Variants in OGDH observed in about 807,000 individuals in gnomAD.
The protein encoded by OGDH is 2-oxoglutarate dehydrogenase complex component E1.
A neutral mutation model predicts 116.6 loss-of-function variants in OGDH; 38 were observed. The ratio of observed to expected loss-of-function variants is 0.33; its 90% CI spans 0.25 to 0.43. OGDH has a LOEUF of 0.43. Among genes scored for constraint, OGDH ranks in the 20% least tolerant of loss-of-function variants. The probability of loss-of-function intolerance (pLI) is 1.00; values close to 1 mark genes in which losing one functional copy is unlikely to be tolerated. For synonymous variants in OGDH, 488 were observed against 533.3 expected (o/e 0.92, Z 1.17); for missense variants, 825 against 1,357.2 (o/e 0.61, Z 6.16).
intron 4 of OGDH, among the ~76,000 whole-genome samples, chr7:44,660,730 G>A (rs1786899516): frequency 6.6e-6 from 1 of 152,092 alleles, no homozygotes; most frequent in Non-Finnish European, 1.5e-5. Context: ...GGAGTTTGTT[G>A]CCTGGCAACA....
In OGDH at chr7:44,609,554, G is replaced by A. The variant is rs112582848; in HGVS notation, c.-28+2901G>A. Among the ~76,000 whole-genome samples, 1,076 of 150,894 alleles carry A rather than the reference G, an allele frequency of 7.1e-3. 11 individuals carry two copies. The highest frequency in any genetic ancestry group is 0.024 in the African/African-American group (1,000 of 41,092). ...TACTTCATTCCTTTTTATTGAAGCCGGGCTATTGGGCTATGGATGTACCAC... is the reference window on the plus strand; with the variant it reads ...TACTTCATTCCTTTTTATTGAAGCCAGGCTATTGGGCTATGGATGTACCAC... On this transcript the variant is annotated intron_variant, in intron 1 of 22. Coordinates refer to ENST00000222673, the MANE Select transcript of OGDH (RefSeq NM_002541.4).
intron 5 of OGDH, among the ~76,000 whole-genome samples, chr7:44,673,502 G>GT (rs1562660067): frequency 6.6e-6 from 1 of 152,150 alleles, no homozygotes; most frequent in Non-Finnish European, 1.5e-5. Context: ...TGCCACAAAG[G>GT]TAACAGAGTA....
At position 44,696,980 on chromosome 7, in the gene OGDH, C is replaced by T. The variant is rs777352026; in HGVS notation, c.1967C>T (p.Ala656Val). The T allele has an allele frequency of 6.2e-6, 10 of 1,614,182 alleles. No homozygotes were observed. Among genetic ancestry groups the T allele is most frequent in the Non-Finnish European group, 6.8e-6 (8 of 1,180,026 alleles). The change falls in exon 15 of 23, where the codon GCG becomes GTG. Residue 656 changes from alanine to valine, a missense_variant. Transcript: ENST00000222673. ...AACCGGACTGTGGACTGGGCTCTAG[C>T]GGAGTACATGGCGTTTGGCTCGCTC... ...VKNRTVDWAL[A>V]EYMAFGSLLK...
intron 2 of OGDH, among the ~76,000 whole-genome samples, chr7:44,640,172 C>G (rs1277902600): frequency 1.3e-5 from 2 of 152,184 alleles, no homozygotes; most frequent in East Asian, 3.9e-4. Flanking sequence ...TTGTTGAGCC[C>G]AGAAGCGCCC....
rs901622120 is a variant in OGDH at position 44,674,761 on chromosome 7, C to T, written c.935+204C>T. On this transcript the variant is annotated intron_variant, in intron 7 of 22. Coordinates refer to ENST00000222673, the MANE Select transcript of OGDH (RefSeq NM_002541.4). ...TGGAGGACTGCAAAGTCATGGTCAC[C>T]TCCAAAGCCACATGTAGTTTCAGAC... is the stretch of plus-strand genomic sequence containing the variant. 3.5e-5 allele frequency: 21 copies of T among 602,222 alleles called. No individual in the cohort carries two copies. The African/African-American group carries it at 3.7e-4, about 11-fold the overall frequency. 37.3% of individuals were successfully genotyped at this position (602,222 alleles called of 1,614,324 possible).
intron 2 of OGDH, among the ~76,000 whole-genome samples, chr7:44,626,890 C>A (rs933420634): frequency 2.6e-5 from 4 of 152,206 alleles, no homozygotes; most frequent in Non-Finnish European, 5.9e-5. Flanking sequence ...TGTCATCCAG[C>A]ACGGACTTCA....
chr7:44,617,405 T>C (rs1447865146), intron 1 of OGDH, among the ~76,000 whole-genome samples: 1 of 152,096 alleles, frequency 6.6e-6, no homozygotes, highest in African/African-American at 2.4e-5. Flanking sequence ...CCAGGAAAGC[T>C]CACACAGTGA....
intron 5 of OGDH, among the ~76,000 whole-genome samples, chr7:44,671,868 G>A (rs1247090824): frequency 1.3e-5 from 2 of 151,346 alleles, no homozygotes; most frequent in Non-Finnish European, 1.5e-5. Context: ...AGGAGATCAA[G>A]ACCATCATGG....
At chr7:44,620,987 T>C (rs1465768811) in intron 1 of OGDH, among the ~76,000 whole-genome samples, 1 of 152,258 alleles carries the variant, frequency 6.6e-6, no homozygotes, top group Non-Finnish European at 1.5e-5. Context: ...GTTGACTTAG[T>C]GTCAGTTACA....
chr7:44,694,719 C>G lies in OGDH; in HGVS notation c.1668+143C>G. 1.1e-6 allele frequency: 1 copy of G among 919,074 alleles called. No homozygotes were observed. Among genetic ancestry groups the G allele is most frequent in the Middle Eastern group, 3.2e-4 (1 of 3,078 alleles). The allele number at this position is 919,074 out of a possible 1,614,324, so 56.9% of individuals were successfully genotyped here. A position where few individuals can be genotyped will look rare whatever the true frequency, so the allele number is the denominator to read the frequency against. ...TGAAATATTTACAACTACAGCATTT[C>G]AATGCATAACTTTTTGGAGAATCTG... On this transcript the variant is annotated intron_variant, in intron 12 of 22. Transcript: ENST00000222673. This position sits in a 1 kb window ranked among gnomAD's most constrained non-coding sequence, Gnocchi z 4.2.
At chr7:44,669,459 C>T (rs1467013935) in intron 5 of OGDH, among the ~76,000 whole-genome samples, 1 of 149,570 alleles carries the variant, frequency 6.7e-6, no homozygotes, top group East Asian at 2.0e-4. Flanking sequence ...GCCCCAGCAG[C>T]TCATCCTTAA....
intron 4 of OGDH, among the ~76,000 whole-genome samples, chr7:44,664,209 C>T (rs187812547): frequency 1.6e-4 from 25 of 152,266 alleles, no homozygotes; most frequent in Admixed American, 7.2e-4. Context: ...GAGGGCACCA[C>T]CTTGTTATTG....
intron 4 of OGDH, among the ~76,000 whole-genome samples, chr7:44,662,152 G>C (rs1205692250): frequency 1.3e-5 from 2 of 152,266 alleles, no homozygotes; most frequent in Admixed American, 6.5e-5. Context: ...ACATAATTTA[G>C]AAGACCCAAG....
intron 2 of OGDH, among the ~76,000 whole-genome samples, chr7:44,630,674 A>G (rs1785400622): frequency 1.3e-5 from 2 of 152,210 alleles, no homozygotes; most frequent in Admixed American, 6.5e-5. Context: ...ACGTTCTCCC[A>G]TATACTTTAA....
chr7:44,678,013 G>GC (rs1248024798), intron 9 of OGDH, among the ~76,000 whole-genome samples: 4 of 152,122 alleles, frequency 2.6e-5, no homozygotes, highest in South Asian at 2.1e-4. Context: ...TGGAGCCTGG[G>GC]CTGGGGAAGT....
intron 1 of OGDH, among the ~76,000 whole-genome samples, chr7:44,621,085 G>A (rs1466500351): frequency 6.6e-6 from 1 of 152,020 alleles, no homozygotes; most frequent in African/African-American, 2.4e-5. Flanking sequence ...TTGTTTGTTT[G>A]TTTTTAGAGA....
At position 44,645,707 on chromosome 7, in the gene OGDH, A is replaced by C. The variant is rs185138266; in HGVS notation, c.414+189A>C. ...CAAGAAAAAGAACCAGGCTAGCCCT[A>C]TTTGAGCAAATCTCCCAGCACCACT... On this transcript the variant is annotated intron_variant, in intron 3 of 22. Coordinates refer to ENST00000222673, the MANE Select transcript of OGDH (RefSeq NM_002541.4). Among the ~76,000 whole-genome samples, 470 of 152,336 alleles carry C rather than the reference A, an allele frequency of 3.1e-3. 1 individual carries two copies. Among genetic ancestry groups the C allele is most frequent in the Non-Finnish European group, 5.7e-3 (389 of 68,026 alleles).
rs553699255 is a variant in OGDH at position 44,685,611 on chromosome 7, C to T, written c.1335+3763C>T. On this transcript the variant is annotated intron_variant, in intron 10 of 22. Coordinates refer to ENST00000222673, the MANE Select transcript of OGDH (RefSeq NM_002541.4). ...TGTCTGTCCATATATCTCTTTGACACCCTGCTTTCTTTTTTTTTTTCCTTT... is the reference window on the plus strand; with the variant it reads ...TGTCTGTCCATATATCTCTTTGACATCCTGCTTTCTTTTTTTTTTTCCTTT... 2.0e-5 allele frequency among the ~76,000 whole-genome samples: 3 copies of T among 152,098 alleles called. No individual in the cohort carries two copies. In the East Asian group the frequency reaches 5.8e-4, roughly 29 times the overall value.
chr7:44,665,378 AC>A (rs1328025109), intron 4 of OGDH, among the ~76,000 whole-genome samples: 2 of 152,126 alleles, frequency 1.3e-5, no homozygotes, highest in African/African-American at 4.8e-5. Flanking sequence ...GACTTAAAAA[AC>A]AAAACAAAAC....
Sources: gnomAD v4.1 joint callset for allele counts (sites outside exome capture counted in the v4.1 genomes callset) on GRCh38, gnomAD v4.1.1 for gene constraint, Gnocchi (gnomAD v3.1) non-coding constraint, MANE v1.5 for transcripts, NCBI Gene and HGNC (gene_info 2026-07-23, HGNC 2026-07-21) for gene names.